Variants in TNPO3 observed in about 807,000 individuals in gnomAD.
TNPO3 encodes transportin-3.
A neutral mutation model predicts 122.8 loss-of-function variants in TNPO3; 65 were observed. That is an observed-to-expected ratio of 0.53 (90% CI 0.43 to 0.65). The LOEUF (loss-of-function observed/expected upper bound fraction) is 0.65. TNPO3 is among the 30% of genes least tolerant of loss of function. TNPO3 has a pLI of 0.00. For synonymous variants in TNPO3, 372 were observed against 411.2 expected (o/e 0.90, Z 1.15); for missense variants, 850 against 1,136.7 (o/e 0.75, Z 3.63).
intron 1 of TNPO3, among the ~76,000 whole-genome samples, chr7:129,036,222 G>A (rs949488841): frequency 6.6e-6 from 1 of 151,898 alleles, no homozygotes; most frequent in East Asian, 1.9e-4. Context: ...CAAAGTGCTG[G>A]GATTATAGGC....
Position 128,967,370 on chromosome 7 carries a change from T to C in TNPO3, c.2621A>G (p.Asn874Ser), listed in dbSNP as rs1283037217. 1 of 1,613,666 alleles carries C rather than the reference T, an allele frequency of 6.2e-7. No individual in the cohort carries two copies. ...DRPTFCRWLE[N>S]SLKGLPKETT... ...TTCCTTTGGCAAACCTTTTAAGGAA[T>C]TTTCTAACCATCGACAAAAAGTCTG... Residue 874 changes from asparagine to serine, a missense_variant, in exon 21 of 23, where the codon AAT (asparagine) becomes AGT (serine). By Grantham distance (46) the Asn-to-Ser change is conservative. Coordinates refer to ENST00000265388, the MANE Select transcript of TNPO3 (RefSeq NM_012470.4).
At position 128,980,036 on chromosome 7, in the gene TNPO3, G is replaced by C; in HGVS notation, c.1860-5C>G. On this transcript the variant is annotated splice_region_variant and splice_polypyrimidine_tract_variant and intron_variant, in intron 14 of 22. Coordinates refer to ENST00000265388, the MANE Select transcript of TNPO3 (RefSeq NM_012470.4). ...TCCACAATGGGATTGGTATGCCTGG[G>C]AAAAGACAACAGCCCAAAATAGTGA... 1.2e-6 allele frequency: 2 copies of C among 1,614,008 alleles called. No homozygotes were observed. Among genetic ancestry groups the C allele is most frequent in the Middle Eastern group, 1.7e-4 (1 of 6,058 alleles).
intron 9 of TNPO3, among the ~76,000 whole-genome samples, chr7:128,992,854 C>A (rs868621447): frequency 1.3e-5 from 2 of 151,842 alleles, no homozygotes; most frequent in Non-Finnish European, 2.9e-5. Flanking sequence ...ATATCTTGAA[C>A]AACATTGATA....
chr7:128,990,758 C>T (rs560365378), intron 10 of TNPO3, among the ~76,000 whole-genome samples: 9 of 152,318 alleles, frequency 5.9e-5, no homozygotes, highest in African/African-American at 2.2e-4. Context: ...CCCTCTCCTC[C>T]CTCTGTCCCC....
chr7:128,970,055 AG>A, intron 20 of TNPO3, 92 bp downstream of exon 20: 1 of 1,500,552 alleles, frequency 6.7e-7, no homozygotes. Flanking sequence ...GACAGAAAAC[AG>A]GGCTAGTTTC....
intron 6 of TNPO3, 49 bp from the exon 7 acceptor site, chr7:129,000,616 A>T (rs555189277): frequency 1.3e-6 from 2 of 1,557,156 alleles, no homozygotes; most frequent in Non-Finnish European, 1.8e-6. Context: ...TCTGGATATT[A>T]TAAGTATATA....
In TNPO3 at chr7:128,991,999, G is replaced by A. The variant is rs1164338191; in HGVS notation, c.1358C>T (p.Pro453Leu). ...AGCAAAAGACTTATGAGACACTCAC[G>A]GATCAACACTCTTTGCTATAGCAGC... is the stretch of plus-strand genomic sequence containing the variant. ...IMAAIAKSVD[P>L]ENNPTLVEVL... Residue 453 changes from proline (P) to leucine (L), a missense_variant and splice_region_variant, in exon 10 of 23, where the codon CCG becomes CTG. By Grantham distance (98) the Pro-to-Leu change is moderately conservative. Coordinates refer to ENST00000265388, the MANE Select transcript of TNPO3 (RefSeq NM_012470.4). The A allele has an allele frequency of 5.7e-6, 9 of 1,590,182 alleles. No individual in the cohort carries two copies. The highest frequency in any genetic ancestry group is 1.8e-5 in the Admixed American group (1 of 55,308).
chr7:129,055,013 C>A lies in TNPO3; in HGVS notation c.-243G>T. On this transcript the variant is annotated 5_prime_UTR_variant, in exon 1 of 23. Coordinates refer to ENST00000265388, the MANE Select transcript of TNPO3 (RefSeq NM_012470.4). ...CGGTTTTTCCACTTGATTCTAGACTCTTGAGTCCACAGATTCTGGCGCTCC... is the reference window on the plus strand; with the variant it reads ...CGGTTTTTCCACTTGATTCTAGACTATTGAGTCCACAGATTCTGGCGCTCC... 1 of 492,082 alleles carries A rather than the reference C, an allele frequency of 2.0e-6. No homozygotes were observed. The highest frequency in any genetic ancestry group is 3.7e-6 in the Non-Finnish European group (1 of 271,220). The allele number at this position is 492,082 out of a possible 1,614,324, so 30.5% of individuals were successfully genotyped here.
rs775917042 is a variant in TNPO3 at position 128,982,293 on chromosome 7, G to C, written c.1814C>G (p.Ser605Cys). ...ATCTAAGAACACTGTGGGATCTGAG[G>C]ATATGCCATTGCTGGGCTCTTGAGA... ...LLSQEPSNGI[S>C]SDPTVFLDRL... The change falls in exon 14 of 23, where the codon TCC (serine) becomes TGC (cysteine). Residue 605 changes from serine to cysteine, a missense_variant. Coordinates refer to ENST00000265388, the MANE Select transcript of TNPO3 (RefSeq NM_012470.4). The C allele has an allele frequency of 6.8e-5, 109 of 1,613,280 alleles. No individual in the cohort carries two copies. The highest frequency in any genetic ancestry group is 9.1e-5 in the Non-Finnish European group (107 of 1,179,588).
chr7:129,030,111 T>C (rs1040891832), intron 1 of TNPO3: 2 of 156,906 alleles, frequency 1.3e-5, no homozygotes, highest in African/African-American at 4.8e-5. Context: ...ATTACATGAA[T>C]GATGAAGTAT....
intron 1 of TNPO3, among the ~76,000 whole-genome samples, chr7:129,023,213 A>AT (rs1469973049): frequency 6.6e-6 from 1 of 152,162 alleles, no homozygotes; most frequent in Non-Finnish European, 1.5e-5. Context: ...AGGTGTAGAC[A>AT]TAAAAAGGCT....
intron 21 of TNPO3, among the ~76,000 whole-genome samples, chr7:128,960,123 T>C (rs1797300581): frequency 6.6e-6 from 1 of 152,164 alleles, no homozygotes; most frequent in Non-Finnish European, 1.5e-5. Flanking sequence ...CCTATGAGTA[T>C]AATAGAGATG....
chr7:129,048,919 C>T (rs1808376315), intron 1 of TNPO3, among the ~76,000 whole-genome samples: 2 of 152,166 alleles, frequency 1.3e-5, no homozygotes, highest in South Asian at 4.1e-4. Flanking sequence ...ACTACATAAA[C>T]AAATGTGACA....
intron 14 of TNPO3, among the ~76,000 whole-genome samples, chr7:128,980,267 A>C (rs964478708): frequency 6.6e-6 from 1 of 152,222 alleles, no homozygotes; most frequent in African/African-American, 2.4e-5. Context: ...CTTTGGGTAG[A>C]TGGGCTGTGA....
chr7:128,989,363 G>C (rs1425296580), intron 11 of TNPO3, among the ~76,000 whole-genome samples: 4 of 152,074 alleles, frequency 2.6e-5, no homozygotes, highest in Admixed American at 1.3e-4. Context: ...ATATTACCCT[G>C]GAAAAGTCAT....
chr7:129,026,069 T>C (rs1420899714), intron 1 of TNPO3, among the ~76,000 whole-genome samples: 1 of 143,974 alleles, frequency 6.9e-6, no homozygotes, highest in Non-Finnish European at 1.5e-5. Context: ...AAGGTTGCAG[T>C]GAGCCGAGAT....
intron 1 of TNPO3, among the ~76,000 whole-genome samples, chr7:129,027,574 AAAAAAAAAAAAAAAAAAC>A (rs1444288595): frequency 4.1e-4 from 57 of 137,356 alleles, no homozygotes; most frequent in East Asian, 1.0e-3. Flanking sequence ...AAAAAAAAAA[AAAAAAAAAAAAAAAAAAC>A]AACACAAAAA....
intron 1 of TNPO3, among the ~76,000 whole-genome samples, chr7:129,035,810 A>C (rs975395369): frequency 6.6e-6 from 1 of 152,192 alleles, no homozygotes; most frequent in African/African-American, 2.4e-5. Context: ...TCTATGCAGT[A>C]TTCTTCCAAA....
Position 128,992,622 on chromosome 7 carries a change from G to A in TNPO3, c.1267-532C>T, listed in dbSNP as rs527631241. The stretch of plus-strand genomic sequence containing the variant: ...TACACCTAGCAGAATACTCAGAGAT[G>A]TTCTGGTCCACAATTTCCCAGATTA... On this transcript the variant is annotated intron_variant, in intron 9 of 22. Transcript: ENST00000265388. Among the ~76,000 whole-genome samples the A allele has an allele frequency of 3.9e-5, 6 of 152,224 alleles. No individual in the cohort carries two copies. In the South Asian group the frequency reaches 1.2e-3, roughly 32 times the overall value.
Sources: allele counts gnomAD v4.1 joint callset (sites outside exome capture counted in the v4.1 genomes callset), GRCh38; gene constraint gnomAD v4.1.1; transcripts MANE v1.5; gene names NCBI Gene and HGNC (gene_info 2026-07-23, HGNC 2026-07-21).